UBXN11: variants seen among roughly 807,000 people sequenced by gnomAD.
UBXN11 encodes the protein UBX domain protein 11.
UBXN11 carries 47 observed loss-of-function variants against 62.8 expected under a neutral mutation model. The observed-to-expected ratio is 0.75, with a 90% CI of 0.59 to 0.95. The LOEUF is 0.95. Among genes scored for constraint, UBXN11 ranks in the 40% least tolerant of loss-of-function variants. The probability of loss-of-function intolerance (pLI) is 0.00; values close to 1 mark genes in which losing one functional copy is unlikely to be tolerated. For missense variants in UBXN11, 638 were observed against 661.7 expected, an observed-to-expected ratio of 0.96 and a Z score of 0.39; for synonymous variants, 294 against 267.0, an observed-to-expected ratio of 1.10 and a Z score of -0.99.
rs2073006229 is a variant in UBXN11, at chr1:26,282,344, ACCG to A, written c.1515_1517del (p.Gly506del). On this transcript the variant is annotated inframe_deletion, in exon 15 of 15. Transcript: ENST00000374222. Reference sequence around the variant, plus strand: ...GTCCAGGACAGGGACTGGGGCCGGGACCGGGACCGGGACTGGGGCCGGGACCGG... The same window carrying A: ...GTCCAGGACAGGGACTGGGGCCGGGAGGACCGGGACTGGGGCCGGGACCGG... 8.5e-7 allele frequency: 1 copy of A among 1,173,084 alleles called. No homozygotes were observed. The highest frequency in any genetic ancestry group is 1.1e-6 in the Non-Finnish European group (1 of 912,724). 72.7% of individuals were successfully genotyped at this position (1,173,084 alleles called of 1,614,324 possible).
rs1472868255 is a variant in UBXN11 at position 26,286,226 on chromosome 1, G to T, written c.560-189C>A. ...ATTGAGCACTTATTTTGTGCTAGGGGTTTACTATCCATATTCCATTCCCAC... is the reference window on the plus strand; with the variant it reads ...ATTGAGCACTTATTTTGTGCTAGGGTTTTACTATCCATATTCCATTCCCAC... On this transcript the variant is annotated intron_variant, in intron 8 of 14. Coordinates refer to ENST00000374222, the MANE Select transcript of UBXN11 (RefSeq NM_001389556.1). 4.6e-5 allele frequency among the ~76,000 whole-genome samples: 7 copies of T among 152,342 alleles called. No individual in the cohort carries two copies. In the East Asian group the frequency reaches 1.3e-3, roughly 29 times the overall value.
At chr1:26,308,450 A>G (rs1161784490), upstream of UBXN11, among the ~76,000 whole-genome samples, 1 of 152,166 alleles carries the variant, frequency 6.6e-6, no homozygotes, top group Non-Finnish European at 1.5e-5. Context: ...CAAGGCAGGC[A>G]TAGATAAGCC....
At chr1:26,300,902 G>A (rs1206213118) in intron 4 of UBXN11, 24 bp downstream of exon 4, 1 of 1,614,036 alleles carries the variant, frequency 6.2e-7, no homozygotes, top group African/African-American at 1.3e-5. Flanking sequence ...CCAGGACCCA[G>A]ACCCTTCAGG....
rs146878806 is a variant in UBXN11 at position 26,290,621 on chromosome 1, C to T, written c.559+3584G>A. 6.3e-3 allele frequency among the ~76,000 whole-genome samples: 956 copies of T among 152,230 alleles called. 10 individuals carry two copies. Among genetic ancestry groups the T allele is most frequent in the African/African-American group, 0.02 (843 of 41,526 alleles). On this transcript the variant is annotated intron_variant, in intron 8 of 14. Transcript: ENST00000374222. Reference sequence around the variant, plus strand: ...GAAGGGCAAGCCCAGGGGCAAGTCACGCAGGCTGCGGAGTCAGGGGGCCTC... The same window carrying T: ...GAAGGGCAAGCCCAGGGGCAAGTCATGCAGGCTGCGGAGTCAGGGGGCCTC...
rs1400570848 is a variant in UBXN11 at position 26,282,907 on chromosome 1, C to T, written c.1108G>A (p.Glu370Lys). 13 of 1,614,116 alleles carry T rather than the reference C, an allele frequency of 8.1e-6. No individual in the cohort carries two copies. The African/African-American group carries it at 1.5e-4, about 18-fold the overall frequency. ...AAGGTGGGCGTCTCCACCACAATCT[C>T]CTGGATCCGGGCAGGCAATGGGCAG... The part of the protein sequence containing the change: ...NCCPLPARIQ[E>K]IVVETPTLAA... The change falls in exon 13 of 15, where the codon GAG (glutamate) becomes AAG (lysine). Residue 370 changes from glutamate to lysine, a missense_variant. Glu to Lys is a moderately conservative substitution (Grantham distance 56). Transcript: ENST00000374222.
chr1:26,300,877 G>A, intron 4 of UBXN11, 49 bp downstream of exon 4: 1 of 1,613,574 alleles, frequency 6.2e-7, no homozygotes, highest in Non-Finnish European at 8.5e-7. Flanking sequence ...CCGTCTCTGG[G>A]GCCCCCTCCT....
intron 4 of UBXN11, among the ~76,000 whole-genome samples, chr1:26,300,672 A>G (rs544264569): frequency 7.2e-5 from 11 of 152,236 alleles, no homozygotes; most frequent in African/African-American, 2.6e-4. Context: ...GAGCCCACTG[A>G]TATCACACCT....
Position 26,301,042 on chromosome 1 carries a change from T to G in UBXN11, c.101-18A>C. The G allele has an allele frequency of 6.2e-7, 1 of 1,614,182 alleles. No individual in the cohort carries two copies. The highest frequency in any genetic ancestry group is 8.5e-7 in the Non-Finnish European group (1 of 1,180,020). On this transcript the variant is annotated intron_variant, in intron 3 of 14. Transcript: ENST00000374222. ...CTCATCTTCTGCAGACAGGGATGCCTAGGTCACCGCTCTGGGGCGGAGACC... is the reference window on the plus strand; with the variant it reads ...CTCATCTTCTGCAGACAGGGATGCCGAGGTCACCGCTCTGGGGCGGAGACC...
At chr1:26,297,925 A>G (rs2073434716) in intron 5 of UBXN11, 37 bp downstream of exon 5, 18 of 1,604,556 alleles carry the variant, frequency 1.1e-5, no homozygotes, top group Non-Finnish European at 1.5e-5. Context: ...TCCACCTCTC[A>G]GACCGGCCCC....
intron 8 of UBXN11, among the ~76,000 whole-genome samples, chr1:26,292,854 CA>C (rs370806583): frequency 3.9e-4 from 53 of 137,226 alleles, no homozygotes; most frequent in Non-Finnish European, 3.3e-4. Context: ...GACTCCATCT[CA>C]AAAAAAAAAA....
In UBXN11 at chr1:26,300,916, C is replaced by T. The variant is rs1275487419; in HGVS notation, c.199+10G>A. 6.2e-7 allele frequency: 1 copy of T among 1,614,118 alleles called. No individual in the cohort carries two copies. The highest frequency in any genetic ancestry group is 8.5e-7 in the Non-Finnish European group (1 of 1,180,042). On this transcript the variant is annotated intron_variant, in intron 4 of 14. Coordinates refer to ENST00000374222, the MANE Select transcript of UBXN11 (RefSeq NM_001389556.1). ...GCCAGGACCCAGACCCTTCAGGCCT[C>T]TGCTCTCACCTTGCCGACTCACAGG...
intron 1 of UBXN11, among the ~76,000 whole-genome samples, chr1:26,311,813 T>C (rs1188331341): frequency 6.6e-6 from 1 of 152,224 alleles, no homozygotes; most frequent in Non-Finnish European, 1.5e-5. Context: ...CTTACAGTTA[T>C]GACCCCTCTG....
Position 26,294,226 on chromosome 1 carries a change from C to T in UBXN11, c.538G>A (p.Ala180Thr), listed in dbSNP as rs972294509. Reference protein sequence around the residue: ...SEHGERDWMTAKKFWKPGDSL... With the variant: ...SEHGERDWMTTKKFWKPGDSL... Reference sequence around the variant, plus strand: ...CTACCTGGCTTCCAGAACTTCTTGGCTGTCATCCAGTCCCTCTCGCCATGC... The same window carrying T: ...CTACCTGGCTTCCAGAACTTCTTGGTTGTCATCCAGTCCCTCTCGCCATGC... Residue 180 changes from alanine to threonine, a missense_variant, in exon 8 of 15, where the codon GCC (alanine) becomes ACC (threonine). Coordinates refer to ENST00000374222, the MANE Select transcript of UBXN11 (RefSeq NM_001389556.1). 9.9e-6 allele frequency: 16 copies of T among 1,614,044 alleles called. No individual in the cohort carries two copies. The highest frequency in any genetic ancestry group is 1.4e-5 in the Non-Finnish European group (16 of 1,179,986).
rs942907438 is a variant in UBXN11 at position 26,299,247 on chromosome 1, C to T, written c.200-1185G>A. ...AGCTGAGGGCCTGGGTGCAGTGGCTCGCACCTGTAATCCCAGCACTTTGGG... is the reference window on the plus strand; with the variant it reads ...AGCTGAGGGCCTGGGTGCAGTGGCTTGCACCTGTAATCCCAGCACTTTGGG... On this transcript the variant is annotated intron_variant, in intron 4 of 14. Transcript: ENST00000374222. Among the ~76,000 whole-genome samples, 3 of 152,042 alleles carry T rather than the reference C, an allele frequency of 2.0e-5. 1 individual carries two copies. The highest frequency in any genetic ancestry group is 7.2e-5 in the African/African-American group (3 of 41,398).
At position 26,295,080 on chromosome 1, in the gene UBXN11, G is replaced by A. The variant is rs144950254; in HGVS notation, c.433-749C>T. Among the ~76,000 whole-genome samples the A allele has an allele frequency of 2.1e-3, 316 of 152,176 alleles. 1 individual carries two copies. Among genetic ancestry groups the A allele is most frequent in the Non-Finnish European group, 1.9e-3 (128 of 68,008 alleles). On this transcript the variant is annotated intron_variant, in intron 7 of 14. Transcript: ENST00000374222. ...GTTTGTATTTATGCAGATTTCACCC[G>A]AGCTCCAGACTCACATTTCCAACCG...
Position 26,290,849 on chromosome 1 carries a change from G to C in UBXN11, c.559+3356C>G, listed in dbSNP as rs892375927. 7.9e-5 allele frequency among the ~76,000 whole-genome samples: 12 copies of C among 152,030 alleles called. 1 individual carries two copies. Among genetic ancestry groups the C allele is most frequent in the Admixed American group, 5.9e-4 (9 of 15,274 alleles). On this transcript the variant is annotated intron_variant, in intron 8 of 14. Coordinates refer to ENST00000374222, the MANE Select transcript of UBXN11 (RefSeq NM_001389556.1). ...AGGAGCTCAGAGATGCAGAGGGTGGGGGGGAAGGGAGAACTTCAGAGCTGA... is the reference window on the plus strand; with the variant it reads ...AGGAGCTCAGAGATGCAGAGGGTGGCGGGGAAGGGAGAACTTCAGAGCTGA...
chr1:26,314,071 C>T (rs191001178), intron 1 of UBXN11, among the ~76,000 whole-genome samples: 15 of 152,234 alleles, frequency 9.9e-5, no homozygotes, highest in East Asian at 3.9e-4. Context: ...TTAGCCACCG[C>T]GCCCGGCCGG....
At chr1:26,304,413 G>A (rs1370699251) in intron 1 of UBXN11, among the ~76,000 whole-genome samples, 4 of 152,230 alleles carry the variant, frequency 2.6e-5, no homozygotes, top group African/African-American at 4.8e-5. Flanking sequence ...GGCCGGGAGC[G>A]GTGGCTCATG....
chr1:26,282,310 TG>T lies in UBXN11; in HGVS notation c.1551del (p.Ser518AlafsTer?). 1 of 1,466,940 alleles carries T rather than the reference TG, an allele frequency of 6.8e-7. No individual in the cohort carries two copies. Among genetic ancestry groups the T allele is most frequent in the Non-Finnish European group, 9.0e-7 (1 of 1,108,824 alleles). The allele number at this position is 1,466,940 out of a possible 1,614,324, so 90.9% of individuals were successfully genotyped here. On this transcript the variant is annotated frameshift_variant, in exon 15 of 15. Coordinates refer to ENST00000374222, the MANE Select transcript of UBXN11 (RefSeq NM_001389556.1). LOFTEE classifies it high-confidence loss of function. ...PGPSPCPGPSPSPQ is the reference protein window; with the variant it reads ...PGPSPCPGPSXSPQ ...AGGGGGCGGGTGCTTTATTGGGGGC[TG>T]GGACTGGGTCCAGGACAGGGACTGG...
Sources: gnomAD v4.1 joint callset for allele counts (sites outside exome capture counted in the v4.1 genomes callset) on GRCh38, gnomAD v4.1.1 for gene constraint, MANE v1.5 for transcripts, NCBI Gene and HGNC (gene_info 2026-07-23, HGNC 2026-07-21) for gene names.